Variants in ANKMY1 observed in about 807,000 individuals in gnomAD.
ANKMY1 encodes the protein ankyrin repeat and MYND domain containing 1.
ANKMY1 carries 98 observed loss-of-function variants against 102.0 expected under a neutral mutation model. The ratio of observed to expected loss-of-function variants is 0.96; its 90% CI spans 0.82 to 1.14. The LOEUF is 1.14. Among genes scored for constraint, ANKMY1 ranks in the 50% most tolerant of loss-of-function variants. The pLI is 0.00. For synonymous variants in ANKMY1, 582 were observed against 559.9 expected, an observed-to-expected ratio of 1.04 and a Z score of -0.56; for missense variants, 1,330 against 1,347.6, an observed-to-expected ratio of 0.99 and a Z score of 0.20.
At chr2:240,503,521 G>A (rs1461339425) in intron 13 of ANKMY1, among the ~76,000 whole-genome samples, 4 of 152,194 alleles carry the variant, frequency 2.6e-5, no homozygotes, top group South Asian at 2.1e-4. Flanking sequence ...GGGGCCCAGG[G>A]TCAAGGTTCG....
intron 13 of ANKMY1, among the ~76,000 whole-genome samples, chr2:240,505,791 C>G (rs1054416678): frequency 2.0e-5 from 3 of 152,130 alleles, no homozygotes; most frequent in Non-Finnish European, 2.9e-5. Context: ...GATTTCAGGT[C>G]TGGGGTGAGA....
rs182076850 is a variant in ANKMY1, at chr2:240,508,322, A to C, written c.2395-631T>G. Among the ~76,000 whole-genome samples the C allele has an allele frequency of 1.6e-4, 24 of 152,390 alleles. No individual in the cohort carries two copies. The East Asian group carries it at 3.1e-3, about 20-fold the overall frequency. On this transcript the variant is annotated intron_variant, in intron 12 of 17. Transcript: ENST00000401804. ...CACACCCCTGCCTCTAACAGGGCCT[A>C]GCCCTGAGCAGGGGCCCCACATGAC...
intron 15 of ANKMY1, among the ~76,000 whole-genome samples, chr2:240,487,857 C>G (rs2076232061): frequency 1.3e-5 from 2 of 151,896 alleles, no homozygotes; most frequent in Admixed American, 6.6e-5. Context: ...GTATGAGTAC[C>G]CTGTATATTC....
At chr2:240,518,836 A>T (rs1307367421) in intron 9 of ANKMY1, among the ~76,000 whole-genome samples, 2 of 152,166 alleles carry the variant, frequency 1.3e-5, no homozygotes, top group Non-Finnish European at 2.9e-5. Context: ...TAAACCAAAA[A>T]TTCTGTTTTC....
intron 11 of ANKMY1, 75 bp downstream of exon 11, chr2:240,511,786 G>A (rs1361325547): frequency 2.6e-5 from 38 of 1,473,248 alleles, no homozygotes; most frequent in Admixed American, 1.2e-4. Context: ...ACATGCTTCC[G>A]GGGGCACAAG....
intron 4 of ANKMY1, among the ~76,000 whole-genome samples, chr2:240,530,648 T>A (rs533990728): frequency 2.6e-5 from 4 of 152,182 alleles, no homozygotes; most frequent in Admixed American, 2.6e-4. Flanking sequence ...AACGTGAGAA[T>A]GGCCTAATAC....
rs2080487011 is a variant in ANKMY1 at position 240,512,821 on chromosome 2, T to C, written c.2126A>G (p.Asp709Gly). 1.2e-6 allele frequency: 2 copies of C among 1,613,986 alleles called. No individual in the cohort carries two copies. Among genetic ancestry groups the C allele is most frequent in the Admixed American group, 1.7e-5 (1 of 60,002 alleles). Residue 709 changes from aspartate (D) to glycine (G), a missense_variant, in exon 10 of 18, where the codon GAC becomes GGC. Physicochemically the swap from Asp to Gly is moderately conservative, Grantham distance 94 (BLOSUM62 -1). Coordinates refer to ENST00000401804, the MANE Select transcript of ANKMY1 (RefSeq NM_001282771.3). ...DVDAKASDED[D>G]TYKPGKLDLL... ...ACACACCTTGCCGGGCTTGTAAGTG[T>C]CGTCCTCGTCGGATGCCTTGGCGTC...
At chr2:240,554,629 ATCT>A in intron 3 of ANKMY1, 2 of 512,156 alleles carry the variant, frequency 3.9e-6, no homozygotes, top group Admixed American at 3.2e-5. Flanking sequence ...ATAAGAACTT[ATCT>A]TCTTAAGTCA....
the ANKMY1 span, among the ~76,000 whole-genome samples, chr2:240,468,703 T>C: frequency 1.3e-5 from 2 of 152,168 alleles, no homozygotes; most frequent in Non-Finnish European, 2.9e-5. Flanking sequence ...ATTTTTAACA[T>C]TGCGTTTCCA....
intron 4 of ANKMY1, chr2:240,532,099 A>T: frequency 2.1e-6 from 1 of 469,242 alleles, no homozygotes; most frequent in South Asian, 1.6e-5. Context: ...ACAGTTGAGA[A>T]TTTTCCAGAT....
intron 8 of ANKMY1, 62 bp downstream of exon 8, chr2:240,523,823 T>G: frequency 6.4e-7 from 1 of 1,569,314 alleles, no homozygotes; most frequent in Non-Finnish European, 8.7e-7. Flanking sequence ...GTGGGTCTGC[T>G]GAGCATAGGA....
At chr2:240,514,630 C>A (rs200450774) in intron 9 of ANKMY1, among the ~76,000 whole-genome samples, 2 of 152,352 alleles carry the variant, frequency 1.3e-5, no homozygotes, top group South Asian at 2.1e-4. Flanking sequence ...ATCCTCTCCA[C>A]GAGGATGTCC....
rs756727014 is a variant in ANKMY1, at chr2:240,481,043, G to C, written c.2940C>G (p.Leu980=). The change falls in exon 17 of 18, where the codon CTC becomes CTG. Residue 980 remains leucine, a synonymous_variant. Transcript: ENST00000401804. ...TCCCGTAGCAGCGAGGGCAGGGCAA[G>C]AGGCGGACCCCGATGGAGCGGCCAC... is the stretch of plus-strand genomic sequence containing the variant. ...YQCGRSIGVR[L]LPCPRCYGIL... 5.8e-5 allele frequency: 94 copies of C among 1,613,808 alleles called. No homozygotes were observed. Among genetic ancestry groups the C allele is most frequent in the Non-Finnish European group, 7.5e-5 (89 of 1,179,868 alleles).
upstream of ANKMY1, chr2:240,561,002 C>A: frequency 6.5e-7 from 1 of 1,539,786 alleles, no homozygotes; most frequent in African/African-American, 1.4e-5. Context: ...GCAAGAACGG[C>A]CGCAGCCGCT....
At position 240,546,669 on chromosome 2, in the gene ANKMY1, T is replaced by C. The variant is rs1189653165; in HGVS notation, c.480+6245A>G. ...CAAAATAAAAGGATGGAGGAAGATC[T>C]ACCAAGCAAATGGAAAACAAAAAAA... On this transcript the variant is annotated intron_variant, in intron 4 of 17. Coordinates refer to ENST00000401804, the MANE Select transcript of ANKMY1 (RefSeq NM_001282771.3). 2.6e-5 allele frequency among the ~76,000 whole-genome samples: 4 copies of C among 152,106 alleles called. No homozygotes were observed. The East Asian group carries it at 5.8e-4, about 22-fold the overall frequency.
At chr2:240,549,820 C>T (rs1326549820) in intron 4 of ANKMY1, among the ~76,000 whole-genome samples, 1 of 152,100 alleles carries the variant, frequency 6.6e-6, no homozygotes, top group Non-Finnish European at 1.5e-5. Flanking sequence ...AATGAGATAC[C>T]ATCTCACACC....
At chr2:240,504,415 C>T (rs1575001846) in intron 13 of ANKMY1, among the ~76,000 whole-genome samples, 1 of 152,102 alleles carries the variant, frequency 6.6e-6, no homozygotes, top group Non-Finnish European at 1.5e-5. Flanking sequence ...AGCTTCATGA[C>T]GTTTCTTGGC....
the ANKMY1 span, among the ~76,000 whole-genome samples, chr2:240,471,310 G>C: frequency 1.9e-4 from 28 of 148,476 alleles, no homozygotes; most frequent in African/African-American, 6.8e-4. Flanking sequence ...CCAGGCTGGA[G>C]TGCAGTGGTG....
intron 8 of ANKMY1, chr2:240,521,843 C>G (rs536652790): frequency 6.6e-6 from 1 of 152,362 alleles, no homozygotes; most frequent in Admixed American, 6.5e-5. Context: ...TTTCTTCCTT[C>G]CGGTGAGTTC....
Sources: gnomAD v4.1 joint callset for allele counts (sites outside exome capture counted in the v4.1 genomes callset) on GRCh38, gnomAD v4.1.1 for gene constraint, MANE v1.5 for transcripts, NCBI Gene and HGNC (gene_info 2026-07-23, HGNC 2026-07-21) for gene names.